Variants in GABRB1 observed in about 807,000 individuals in gnomAD.
GABRB1 encodes gamma-aminobutyric acid type A receptor subunit beta1, also known as gamma-aminobutyric acid receptor subunit beta-1.
A neutral mutation model predicts 51.6 loss-of-function variants in GABRB1; 17 were observed. That is an observed-to-expected ratio of 0.33 (90% CI 0.23 to 0.49). The LOEUF (loss-of-function observed/expected upper bound fraction) is 0.49, where lower values mean the gene tolerates loss of function less well. Among genes scored for constraint, GABRB1 ranks in the 20% least tolerant of loss-of-function variants. The pLI, the probability that GABRB1 is intolerant of heterozygous loss-of-function variation, is 0.99. For missense variants in GABRB1, 410 were observed against 600.6 expected, an observed-to-expected ratio of 0.68 and a Z score of 3.32; for synonymous variants, 247 against 218.9, an observed-to-expected ratio of 1.13 and a Z score of -1.14.
chr4:47,358,664 C>G (rs574563746), intron 5 of GABRB1, among the ~76,000 whole-genome samples: 2 of 152,226 alleles, frequency 1.3e-5, no homozygotes, highest in Admixed American at 1.3e-4. Context: ...CTCATTTTAA[C>G]TTAATTACCT....
chr4:47,383,831 C>A (rs1727679291), intron 5 of GABRB1, among the ~76,000 whole-genome samples: 1 of 152,064 alleles, frequency 6.6e-6, no homozygotes, highest in Non-Finnish European at 1.5e-5. Context: ...AGCTAAAGAT[C>A]TGAATATGTG....
At chr4:47,197,213 C>T (rs1314634052) in intron 4 of GABRB1, among the ~76,000 whole-genome samples, 3 of 152,182 alleles carry the variant, frequency 2.0e-5, no homozygotes, top group Non-Finnish European at 4.4e-5. Flanking sequence ...CTATCTTCTA[C>T]ATAGCTTGGT....
In GABRB1 at chr4:47,219,916, T is replaced by C. The variant is rs568877914; in HGVS notation, c.461+58447T>C. On this transcript the variant is annotated intron_variant, in intron 4 of 8. Coordinates refer to ENST00000295454, the MANE Select transcript of GABRB1 (RefSeq NM_000812.4). Reference sequence around the variant, plus strand: ...TCTACCCAAGAATTACTTGTCTTCCTTCCTAAACCTAGATCTCACATTCAG... The same window carrying C: ...TCTACCCAAGAATTACTTGTCTTCCCTCCTAAACCTAGATCTCACATTCAG... Among the ~76,000 whole-genome samples, 34 of 152,032 alleles carry C rather than the reference T, an allele frequency of 2.2e-4. No homozygotes were observed. In the Middle Eastern group the frequency reaches 0.014, roughly 61 times the overall value.
At chr4:47,018,875 G>A (rs549335290) in intron 1 of GABRB1, among the ~76,000 whole-genome samples, 7 of 152,040 alleles carry the variant, frequency 4.6e-5, no homozygotes, top group Admixed American at 6.6e-5. Flanking sequence ...GAAAATCCGC[G>A]TATAAGTGGA....
At chr4:47,017,824 T>C (rs779257229) in intron 1 of GABRB1, among the ~76,000 whole-genome samples, 5 of 152,180 alleles carry the variant, frequency 3.3e-5, no homozygotes, top group Non-Finnish European at 7.4e-5. Context: ...CCACAGATTG[T>C]TAAGGAGAAG....
At chr4:47,136,778 T>G (rs1187645299) in intron 3 of GABRB1, among the ~76,000 whole-genome samples, 2 of 152,126 alleles carry the variant, frequency 1.3e-5, no homozygotes, top group Non-Finnish European at 1.5e-5. Context: ...GATCCATATA[T>G]GCATACTTTA....
intron 4 of GABRB1, among the ~76,000 whole-genome samples, chr4:47,278,551 A>G (rs769418801): frequency 2.6e-5 from 4 of 152,166 alleles, no homozygotes; most frequent in Non-Finnish European, 4.4e-5. Context: ...TGCAAAGCCA[A>G]TAGGAACAAT....
At chr4:47,279,822 C>T (rs1288631881) in intron 4 of GABRB1, among the ~76,000 whole-genome samples, 1 of 150,986 alleles carries the variant, frequency 6.6e-6, no homozygotes, top group Admixed American at 6.6e-5. Flanking sequence ...AAGTGAGTTT[C>T]CTGAATGCTG....
Position 47,046,971 on chromosome 4 carries a change from C to T in GABRB1, c.240+14487C>T, listed in dbSNP as rs188657520. ...TACATGGACACATAGAGCAGAACAA[C>T]GTGCACTGGAGCCTATCAGAGGCTG... On this transcript the variant is annotated intron_variant, in intron 3 of 8. Transcript: ENST00000295454. Among the ~76,000 whole-genome samples, 426 of 152,098 alleles carry T rather than the reference C, an allele frequency of 2.8e-3. 4 individuals are homozygous for T. The highest frequency in any genetic ancestry group is 3.1e-3 in the Non-Finnish European group (211 of 67,974).
intron 3 of GABRB1, among the ~76,000 whole-genome samples, chr4:47,072,103 A>T (rs1463499502): frequency 6.6e-6 from 1 of 152,088 alleles, no homozygotes; most frequent in Non-Finnish European, 1.5e-5. Context: ...ACTGGATAGA[A>T]AAAGAACATA....
chr4:47,117,461 C>T (rs1715553920), intron 3 of GABRB1, among the ~76,000 whole-genome samples: 1 of 152,116 alleles, frequency 6.6e-6, no homozygotes, highest in South Asian at 2.1e-4. Context: ...GCTACATCTT[C>T]CTCTGTGAAA....
At chr4:47,302,941 G>A (rs1222547382) in intron 4 of GABRB1, among the ~76,000 whole-genome samples, 1 of 151,888 alleles carries the variant, frequency 6.6e-6, no homozygotes, top group Non-Finnish European at 1.5e-5. Flanking sequence ...CCTAGGCAAA[G>A]TTCTATGTAT....
chr4:47,145,933 C>CT (rs1196791939), intron 3 of GABRB1, among the ~76,000 whole-genome samples: 4 of 151,876 alleles, frequency 2.6e-5, no homozygotes, highest in South Asian at 4.2e-4. Flanking sequence ...TCAGCACAGC[C>CT]TTTTTTTTCT....
intron 3 of GABRB1, among the ~76,000 whole-genome samples, chr4:47,111,558 C>T (rs889563434): frequency 6.6e-6 from 1 of 152,010 alleles, no homozygotes; most frequent in Admixed American, 6.6e-5. Flanking sequence ...GTCAAAAATA[C>T]ATCCTTATTA....
chr4:47,082,700 A>T (rs1391815233), intron 3 of GABRB1, among the ~76,000 whole-genome samples: 1 of 152,068 alleles, frequency 6.6e-6, no homozygotes, highest in Admixed American at 6.6e-5. Flanking sequence ...TAAAGTAGGG[A>T]TACTGGGGTA....
chr4:47,008,357 C>A (rs1003775754), intron 1 of GABRB1, among the ~76,000 whole-genome samples: 1 of 150,804 alleles, frequency 6.6e-6, no homozygotes, highest in Non-Finnish European at 1.5e-5. Context: ...TGAGATTCTA[C>A]AAAGAAATAA....
At chr4:47,064,446 C>A (rs1479563268) in intron 3 of GABRB1, among the ~76,000 whole-genome samples, 1 of 151,722 alleles carries the variant, frequency 6.6e-6, no homozygotes, top group African/African-American at 2.4e-5. Context: ...ACCAGCCTGG[C>A]CAACATGGTG....
At chr4:47,281,927 G>C (rs1273648121) in intron 4 of GABRB1, among the ~76,000 whole-genome samples, 2 of 152,154 alleles carry the variant, frequency 1.3e-5, no homozygotes, top group African/African-American at 4.8e-5. Context: ...AGGATACAAA[G>C]TTTCAGTTAA....
intron 4 of GABRB1, among the ~76,000 whole-genome samples, chr4:47,221,978 A>G (rs1384704715): frequency 1.6e-4 from 25 of 152,096 alleles, no homozygotes; most frequent in Non-Finnish European, 2.9e-5. Context: ...GCTTAAGAAC[A>G]CCAGAAACCA....
Sources: allele counts gnomAD v4.1 joint callset (sites outside exome capture counted in the v4.1 genomes callset), GRCh38; gene constraint gnomAD v4.1.1; transcripts MANE v1.5; gene names NCBI Gene and HGNC (gene_info 2026-07-23, HGNC 2026-07-21).